The following AOX1 variants were observed in gnomAD, a reference collection of about 807,000 sequenced individuals.
The protein encoded by AOX1 is aldehyde oxidase 1.
A neutral mutation model predicts 169.5 loss-of-function variants in AOX1; 153 were observed. That is an observed-to-expected ratio of 0.90 (90% CI 0.79 to 1.03). The LOEUF is 1.03. Among genes scored for constraint, AOX1 ranks in the 50% least tolerant of loss-of-function variants. AOX1 has a pLI of 0.00. For synonymous variants in AOX1, 562 were observed against 581.9 expected (o/e 0.97, Z 0.49); for missense variants, 1,656 against 1,663.9 (o/e 1.00, Z 0.08).
Position 200,643,533 on chromosome 2 carries a change from C to A in AOX1, c.2847+732C>A, listed in dbSNP as rs142957041. Among the ~76,000 whole-genome samples the A allele has an allele frequency of 2.2e-3, 331 of 152,186 alleles. 2 individuals carry two copies. Among genetic ancestry groups the A allele is most frequent in the African/African-American group, 7.6e-3 (317 of 41,502 alleles). On this transcript the variant is annotated intron_variant, in intron 25 of 34. Transcript: ENST00000374700. The stretch of plus-strand genomic sequence containing the variant: ...ACTATAAACATGCAGGTGCAAGTAT[C>A]TTTTTCGAATAACAACTTGTTTTCC...
chr2:200,594,433 C>A, intron 2 of AOX1, among the ~76,000 whole-genome samples: 1 of 152,118 alleles, frequency 6.6e-6, no homozygotes, highest in Non-Finnish European at 1.5e-5. Context: ...ATAAAGGAAG[C>A]CCACAGGTAG....
chr2:200,611,237 G>A lies in AOX1; in HGVS notation c.1154-147G>A, dbSNP rs1333508519. 33 of 652,982 alleles carry A rather than the reference G, an allele frequency of 5.1e-5. No individual in the cohort carries two copies. The Middle Eastern group carries it at 1.5e-3, about 30-fold the overall frequency. The allele number at this position is 652,982 out of a possible 1,614,324, so 40.4% of individuals were successfully genotyped here. A position where few individuals can be genotyped will look rare whatever the true frequency, so the allele number is the denominator to read the frequency against. ...AGAAACATTGCAAGACGCATTATAG[G>A]GTAAAAGATTTGCGAAGCATAGGAA... On this transcript the variant is annotated intron_variant, in intron 12 of 34. Transcript: ENST00000374700.
chr2:200,659,791 C>CACACAT (rs775547815), intron 28 of AOX1, among the ~76,000 whole-genome samples: 8,079 of 86,528 alleles, frequency 0.093, 211 homozygotes, highest in African/African-American at 0.12. Flanking sequence ...CTCTCTCACA[C>CACACAT]ACACACACAC....
chr2:200,595,402 T>A (rs745593726), intron 3 of AOX1, 34 bp downstream of exon 3: 4 of 1,530,542 alleles, frequency 2.6e-6, no homozygotes, highest in Admixed American at 1.8e-5. Context: ...ATGGTTGAAT[T>A]TTTATAATTT....
rs758575878 is a variant in AOX1 at position 200,613,840 on chromosome 2, G to T, written c.1485G>T (p.Arg495Ser). 1.9e-6 allele frequency: 3 copies of T among 1,612,590 alleles called. No homozygotes were observed. Among genetic ancestry groups the T allele is most frequent in the South Asian group, 1.1e-5 (1 of 91,010 alleles). Residue 495 changes from arginine to serine, a missense_variant, in exon 15 of 35, where the codon AGG (arginine) becomes AGT (serine). Coordinates refer to ENST00000374700, the MANE Select transcript of AOX1 (RefSeq NM_001159.4). ...WNEQMLDIAC[R>S]LILNEVSLLG... is the part of the protein sequence containing the mutation. Reference sequence around the variant, plus strand: ...AACAGATGCTGGATATAGCCTGCAGGCTTATTCTGAATGAAGTCTCCCTTT... The same window carrying T: ...AACAGATGCTGGATATAGCCTGCAGTCTTATTCTGAATGAAGTCTCCCTTT...
chr2:200,672,649 A>T (rs1424799692), downstream of AOX1, among the ~76,000 whole-genome samples: 2 of 152,208 alleles, frequency 1.3e-5, no homozygotes, highest in African/African-American at 4.8e-5. Context: ...AGGCAGAAAA[A>T]TTTTAAAAAT....
intron 33 of AOX1, 135 bp downstream of exon 33, chr2:200,668,938 T>G (rs2035975220): frequency 1.4e-6 from 1 of 729,190 alleles, no homozygotes; most frequent in Non-Finnish European, 2.2e-6. Context: ...AACATTTTAA[T>G]TCTAATCTAA....
chr2:200,665,150 G>A (rs966827695), intron 31 of AOX1, among the ~76,000 whole-genome samples: 2 of 152,220 alleles, frequency 1.3e-5, no homozygotes, highest in Admixed American at 6.5e-5. Context: ...AGAGAGACCA[G>A]CCCAAGAGAA....
At chr2:200,642,409 G>A (rs2035368981) in intron 24 of AOX1, among the ~76,000 whole-genome samples, 1 of 152,006 alleles carries the variant, frequency 6.6e-6, no homozygotes, top group South Asian at 2.1e-4. Context: ...AAAAAATAAT[G>A]CTCTCAAAGG....
intron 10 of AOX1, among the ~76,000 whole-genome samples, chr2:200,608,587 G>T (rs761954344): frequency 2.6e-4 from 39 of 152,030 alleles, no homozygotes; most frequent in Non-Finnish European, 4.6e-4. Context: ...TGTGAAATGG[G>T]GCTATTAATA....
Position 200,612,620 on chromosome 2 carries a change from G to A in AOX1, c.1275G>A (p.Val425=). The change falls in exon 14 of 35, where the codon GTG becomes GTA. Residue 425 remains valine (V), a synonymous_variant. Coordinates refer to ENST00000374700, the MANE Select transcript of AOX1 (RefSeq NM_001159.4). ...ACTGTTTCTTTCAGTGGGAATTTGT[G>A]TCAGCCTTCCGACAAGCCCAGCGAC... ...NIPYSRKWEF[V]SAFRQAQRQE... is the part of the protein sequence containing the mutation. 1.9e-6 allele frequency: 3 copies of A among 1,613,580 alleles called. 1 individual carries two copies. The highest frequency in any genetic ancestry group is 3.3e-5 in the Admixed American group (2 of 59,996).
At chr2:200,608,856 C>G (rs2034569901) in intron 10 of AOX1, 128 bp from the exon 11 acceptor site, 1 of 793,998 alleles carries the variant, frequency 1.3e-6, no homozygotes, top group Non-Finnish European at 2.0e-6. Context: ...CTGCCCATCA[C>G]CACCATCACC....
intron 26 of AOX1, among the ~76,000 whole-genome samples, chr2:200,653,209 G>A (rs887899416): frequency 1.3e-5 from 2 of 152,178 alleles, no homozygotes; most frequent in East Asian, 1.9e-4. Context: ...GAACAAACTA[G>A]GCAACAGCCA....
downstream of AOX1, among the ~76,000 whole-genome samples, chr2:200,675,540 A>G (rs1299614252): frequency 6.6e-6 from 1 of 152,202 alleles, no homozygotes; most frequent in Non-Finnish European, 1.5e-5. Flanking sequence ...TGGATTCAGC[A>G]ATGTGCATAG....
Position 200,665,804 on chromosome 2 carries a change from T to A in AOX1, c.3544-883T>A, listed in dbSNP as rs369249097. 2.0e-5 allele frequency among the ~76,000 whole-genome samples: 3 copies of A among 152,372 alleles called. No individual in the cohort carries two copies. In the East Asian group the frequency reaches 5.8e-4, roughly 29 times the overall value. ...TAGAGCTCCTCCTCTAACCTTCAGCTGAGGCCACTTATCTCCTGGAAGGCC... is the reference window on the plus strand; with the variant it reads ...TAGAGCTCCTCCTCTAACCTTCAGCAGAGGCCACTTATCTCCTGGAAGGCC... On this transcript the variant is annotated intron_variant, in intron 31 of 34. Transcript: ENST00000374700.
At chr2:200,652,468 A>G (rs1368283183) in intron 26 of AOX1, among the ~76,000 whole-genome samples, 1 of 152,242 alleles carries the variant, frequency 6.6e-6, no homozygotes, top group Non-Finnish European at 1.5e-5. Flanking sequence ...AGAGAGAAAG[A>G]AACTACCACT....
In AOX1 at chr2:200,662,848, C is replaced by CTTCCAGAGGTT. The variant is rs1220110554; in HGVS notation, c.3429-6_3433dup. 6.2e-7 allele frequency: 1 copy of CTTCCAGAGGTT among 1,612,158 alleles called. No individual in the cohort carries two copies. The highest frequency in any genetic ancestry group is 8.5e-7 in the Non-Finnish European group (1 of 1,178,358). On this transcript the variant is annotated splice_region_variant and splice_polypyrimidine_tract_variant and intron_variant, in intron 30 of 34. Coordinates refer to ENST00000374700, the MANE Select transcript of AOX1 (RefSeq NM_001159.4). ...GATCACTTAACAACACTCACTGTTT[C>CTTCCAGAGGTT]TTCCAGAGGTTATGAGTCAGACATG...
chr2:200,660,201 A>G (rs2035793509), intron 29 of AOX1, 132 bp downstream of exon 29: 1 of 728,254 alleles, frequency 1.4e-6, no homozygotes, highest in Non-Finnish European at 2.3e-6. Flanking sequence ...AATGATAAAT[A>G]AAAGGCCCTT....
At chr2:200,670,553 C>T in intron 34 of AOX1, 76 bp from the exon 35 acceptor site, 1 of 1,312,720 alleles carries the variant, frequency 7.6e-7, no homozygotes, top group Non-Finnish European at 1.1e-6. Flanking sequence ...GTTTAACCTA[C>T]TTTATGTTCT....
Sources: allele counts gnomAD v4.1 joint callset (sites outside exome capture counted in the v4.1 genomes callset), GRCh38; gene constraint gnomAD v4.1.1; transcripts MANE v1.5; gene names NCBI Gene and HGNC (gene_info 2026-07-23, HGNC 2026-07-21).